The following UNC5C variants were observed in gnomAD, a reference collection of about 807,000 sequenced individuals.
The protein encoded by UNC5C is netrin receptor UNC5C.
Under a neutral mutation model 99.8 loss-of-function variants are expected in UNC5C, and 47 were observed. The observed-to-expected ratio is 0.47, with a 90% CI of 0.37 to 0.60. The LOEUF (loss-of-function observed/expected upper bound fraction) is 0.60, where lower values mean the gene tolerates loss of function less well. UNC5C is among the 20% of genes least tolerant of loss of function. The probability of loss-of-function intolerance (pLI) is 0.00; values close to 1 mark genes in which losing one functional copy is unlikely to be tolerated. For synonymous variants in UNC5C, 487 were observed against 452.2 expected, an observed-to-expected ratio of 1.08 and a Z score of -0.98; for missense variants, 1,062 against 1,165.9, an observed-to-expected ratio of 0.91 and a Z score of 1.30.
intron 1 of UNC5C, among the ~76,000 whole-genome samples, chr4:95,441,156 G>A (rs1014588126): frequency 1.3e-5 from 2 of 152,128 alleles, no homozygotes; most frequent in Non-Finnish European, 2.9e-5. Flanking sequence ...ATTCAACGGT[G>A]TCTTAAAAAC....
Position 95,236,421 on chromosome 4 carries a change from C to T in UNC5C, c.1108+6008G>A, listed in dbSNP as rs191767804. ...ACACAGGAAGGGGGACATCACACAC[C>T]GGGGCCTGTTGAGCAGTTGGGGGAG... On this transcript the variant is annotated intron_variant, in intron 7 of 15. Coordinates refer to ENST00000453304, the MANE Select transcript of UNC5C (RefSeq NM_003728.4). Among the ~76,000 whole-genome samples the T allele has an allele frequency of 2.5e-3, 324 of 128,188 alleles. 2 individuals carry two copies. Among genetic ancestry groups the T allele is most frequent in the African/African-American group, 9.4e-3 (298 of 31,696 alleles). 84.1% of individuals were successfully genotyped at this position (128,188 alleles called of 152,430 possible).
intron 1 of UNC5C, among the ~76,000 whole-genome samples, chr4:95,458,368 T>TA (rs1352781670): frequency 6.6e-6 from 1 of 152,098 alleles, no homozygotes; most frequent in East Asian, 1.9e-4. Context: ...TTCTGTCAAG[T>TA]AAAAAAATTG....
chr4:95,181,105 C>T (rs559762661), intron 14 of UNC5C, among the ~76,000 whole-genome samples: 8 of 152,236 alleles, frequency 5.3e-5, no homozygotes, highest in Admixed American at 2.0e-4. Context: ...AAGGAAAAGC[C>T]GCAGAGTGCC....
In UNC5C at chr4:95,188,461, G is replaced by T. The variant is rs183116020; in HGVS notation, c.2137-3265C>A. ...CAGGAGCTGACTCGTCACATACGGCGAATCTCAAATAGAGTTTTGTGTCAG... is the reference window on the plus strand; with the variant it reads ...CAGGAGCTGACTCGTCACATACGGCTAATCTCAAATAGAGTTTTGTGTCAG... On this transcript the variant is annotated intron_variant, in intron 12 of 15. Transcript: ENST00000453304. Among the ~76,000 whole-genome samples the T allele has an allele frequency of 2.1e-3, 313 of 152,294 alleles. 3 individuals carry two copies. The highest frequency in any genetic ancestry group is 6.0e-3 in the South Asian group (29 of 4,830).
At chr4:95,229,330 G>A (rs1015996264) in intron 7 of UNC5C, among the ~76,000 whole-genome samples, 23 of 151,280 alleles carry the variant, frequency 1.5e-4, no homozygotes, top group Admixed American at 1.5e-3. Flanking sequence ...CTGTGTTGGT[G>A]TGTTCTCATT....
chr4:95,536,408 CA>C (rs1307036156), intron 1 of UNC5C, among the ~76,000 whole-genome samples: 2 of 151,934 alleles, frequency 1.3e-5, no homozygotes, highest in African/African-American at 2.4e-5. Flanking sequence ...GTCATTCATA[CA>C]GAAAAAAAGA....
chr4:95,537,121 T>G (rs1401932140), intron 1 of UNC5C, among the ~76,000 whole-genome samples: 1 of 151,500 alleles, frequency 6.6e-6, no homozygotes, highest in East Asian at 1.9e-4. Flanking sequence ...TATGTGAGAG[T>G]TTTTTTTTAA....
intron 12 of UNC5C, among the ~76,000 whole-genome samples, chr4:95,186,940 C>G (rs554884256): frequency 1.3e-5 from 2 of 152,244 alleles, no homozygotes; most frequent in East Asian, 1.9e-4. Flanking sequence ...CAGACCCATC[C>G]AGCCTTGAGT....
chr4:95,278,198 T>C (rs1740928935), intron 4 of UNC5C, 61 bp downstream of exon 4: 3 of 1,349,076 alleles, frequency 2.2e-6, no homozygotes, highest in East Asian at 4.6e-5. Context: ...AGCCATGGAT[T>C]AGGCCTCTGT....
intron 7 of UNC5C, among the ~76,000 whole-genome samples, chr4:95,221,945 A>G (rs1201934988): frequency 6.6e-6 from 1 of 152,128 alleles, no homozygotes; most frequent in Admixed American, 6.5e-5. Flanking sequence ...CCCTTTACTT[A>G]TATCAGCACA....
At position 95,395,025 on chromosome 4, in the gene UNC5C, C is replaced by T. The variant is rs1745471660; in HGVS notation, c.125-59394G>A. 2.0e-5 allele frequency among the ~76,000 whole-genome samples: 3 copies of T among 152,158 alleles called. 1 individual carries two copies. In the South Asian group the frequency reaches 6.2e-4, roughly 32 times the overall value. ...AAGGGCAAAGATTCAGAGTGAGCTG[C>T]CCATTTCTCACCAGTCTGCTTCTTC... On this transcript the variant is annotated intron_variant, in intron 1 of 15. Transcript: ENST00000453304.
chr4:95,374,431 T>G (rs1049515519), intron 1 of UNC5C, among the ~76,000 whole-genome samples: 2 of 152,128 alleles, frequency 1.3e-5, no homozygotes, highest in African/African-American at 4.8e-5. Flanking sequence ...GCCCTGCATA[T>G]GCCTCTATGG....
At chr4:95,325,860 A>G (rs28526447) in intron 2 of UNC5C, among the ~76,000 whole-genome samples, 20,084 of 152,164 alleles carry the variant, frequency 0.13, 1,560 homozygotes, top group African/African-American at 0.19. Context: ...AAAACATGAA[A>G]AATGCACATA....
At chr4:95,477,386 A>C (rs900977229) in intron 1 of UNC5C, among the ~76,000 whole-genome samples, 1 of 152,190 alleles carries the variant, frequency 6.6e-6, no homozygotes, top group East Asian at 1.9e-4. Context: ...GGCTCAAGTA[A>C]TAATAACATA....
chr4:95,230,553 T>G (rs2149373055), intron 7 of UNC5C, among the ~76,000 whole-genome samples: 1 of 152,286 alleles, frequency 6.6e-6, no homozygotes. Flanking sequence ...CTAGGTTTTC[T>G]TCTAGGGTTT....
rs1175837199 is a variant in UNC5C at position 95,293,295 on chromosome 4, C to CTTTTTTTT, written c.490+8303_490+8310dup. Among the ~76,000 whole-genome samples, 10 of 56,904 alleles carry CTTTTTTTT rather than the reference C, an allele frequency of 1.8e-4. 2 individuals are homozygous for CTTTTTTTT. Among genetic ancestry groups the CTTTTTTTT allele is most frequent in the African/African-American group, 6.6e-4 (9 of 13,588 alleles). 37.3% of individuals were successfully genotyped at this position (56,904 alleles called of 152,430 possible). On this transcript the variant is annotated intron_variant, in intron 3 of 15. Coordinates refer to ENST00000453304, the MANE Select transcript of UNC5C (RefSeq NM_003728.4). ...TTTCTGTATTATAAATAATAGTGAG[C>CTTTTTTTT]TTTTTTTTTTTTTTTTTTTTTTTTT...
At chr4:95,308,261 A>T (rs911439655) in intron 2 of UNC5C, among the ~76,000 whole-genome samples, 10 of 152,202 alleles carry the variant, frequency 6.6e-5, no homozygotes, top group African/African-American at 2.4e-4. Flanking sequence ...CAGTTGCAGG[A>T]CACAAAATCA....
In UNC5C at chr4:95,256,699, A is replaced by ATATAT. The variant is rs1553958327; in HGVS notation, c.595-6033_595-6032insATATA. 6.4e-3 allele frequency among the ~76,000 whole-genome samples: 576 copies of ATATAT among 90,674 alleles called. 2 individuals carry two copies. The highest frequency in any genetic ancestry group is 0.02 in the African/African-American group (547 of 27,790). The allele number at this position is 90,674 out of a possible 152,430, so 59.5% of individuals were successfully genotyped here. ...TTGTCTAGAGGGACAGAACTAAATA[A>ATATAT]ATATATATATATATATATATATGAG... is the stretch of plus-strand genomic sequence containing the variant. On this transcript the variant is annotated intron_variant, in intron 4 of 15. Transcript: ENST00000453304.
At chr4:95,459,288 T>C (rs1245625878) in intron 1 of UNC5C, among the ~76,000 whole-genome samples, 1 of 152,178 alleles carries the variant, frequency 6.6e-6, no homozygotes, top group South Asian at 2.1e-4. Context: ...GGCATTGTGA[T>C]TGTTACTCTT....
Sources: allele counts gnomAD v4.1 joint callset (sites outside exome capture counted in the v4.1 genomes callset), GRCh38; gene constraint gnomAD v4.1.1; transcripts MANE v1.5; gene names NCBI Gene and HGNC (gene_info 2026-07-23, HGNC 2026-07-21).